The following CEP78 variants were observed in gnomAD, a reference collection of about 807,000 sequenced individuals.
CEP78 encodes centrosomal protein of 78 kDa.
CEP78 carries 76 observed loss-of-function variants against 81.2 expected under a neutral mutation model. That is an observed-to-expected ratio of 0.94 (90% CI 0.78 to 1.13). The LOEUF is 1.13. Ranked by LOEUF, CEP78 falls within the 50% of genes most tolerant of loss-of-function variation. CEP78 has a pLI of 0.00. For synonymous variants in CEP78, 293 were observed against 301.4 expected (o/e 0.97, Z 0.29); for missense variants, 918 against 846.8 (o/e 1.08, Z -1.04).
intron 4 of CEP78, among the ~76,000 whole-genome samples, chr9:78,242,857 T>C (rs1246185535): frequency 1.3e-5 from 2 of 152,218 alleles, no homozygotes; most frequent in Admixed American, 1.3e-4. Flanking sequence ...CCTTGCTTTG[T>C]ATATTCTAGG....
chr9:78,252,992 T>C (rs1032711627), intron 9 of CEP78, among the ~76,000 whole-genome samples: 1 of 152,184 alleles, frequency 6.6e-6, no homozygotes, highest in African/African-American at 2.4e-5. Context: ...AGATTAGAAA[T>C]CTGAACCATC....
Position 78,276,996 on chromosome 9 carries a change from G to C in CEP78, c.*6145G>C, listed in dbSNP as rs1484422589. ...TAGGGTAAATGTGCTGTTCACACAG[G>C]AATAATCACAGGTATAGAACCGAGA... On this transcript the variant is annotated 3_prime_UTR_variant, in exon 17 of 17. Transcript: ENST00000643273. 2 of 151,798 alleles carry C rather than the reference G, an allele frequency of 1.3e-5. No homozygotes were observed. The highest frequency in any genetic ancestry group is 2.9e-5 in the Non-Finnish European group (2 of 67,924). 9.4% of individuals were successfully genotyped at this position (151,798 alleles called of 1,614,324 possible). A position where few individuals can be genotyped will look rare whatever the true frequency, so the allele number is the denominator to read the frequency against.
chr9:78,276,773 AAC>A lies in CEP78; in HGVS notation c.*5926_*5927del. On this transcript the variant is annotated 3_prime_UTR_variant, in exon 17 of 17. Transcript: ENST00000643273. ...AATCTATGCTAGAGGGTATAAAAGA[AAC>A]ACAAAAATAGAGGTATGCCATGTAT... The A allele has an allele frequency of 6.6e-6, 1 of 152,344 alleles. No individual in the cohort carries two copies. The highest frequency in any genetic ancestry group is 2.1e-4 in the South Asian group (1 of 4,830). 9.4% of individuals were successfully genotyped at this position (152,344 alleles called of 1,614,324 possible).
At chr9:78,263,955 A>G (rs1466403185) in intron 12 of CEP78, 195 bp from the exon 13 acceptor site, 3 of 339,474 alleles carry the variant, frequency 8.8e-6, no homozygotes, top group Non-Finnish European at 1.1e-5. Context: ...TACTATTTAT[A>G]TTATTTATGT....
In CEP78 at chr9:78,278,255, T is replaced by G. The variant is rs185084670; in HGVS notation, c.*7404T>G. Reference sequence around the variant, plus strand: ...GTTATCCTTTACGCTCTGTCCATTTTTTTCTTCAAAAATGTGTCTGACCTA... The same window carrying G: ...GTTATCCTTTACGCTCTGTCCATTTGTTTCTTCAAAAATGTGTCTGACCTA... On this transcript the variant is annotated 3_prime_UTR_variant, in exon 17 of 17. Transcript: ENST00000643273. 14 of 152,308 alleles carry G rather than the reference T, an allele frequency of 9.2e-5. No homozygotes were observed. In the South Asian group the frequency reaches 1.4e-3, roughly 16 times the overall value. 9.4% of individuals were successfully genotyped at this position (152,308 alleles called of 1,614,324 possible).
intron 4 of CEP78, among the ~76,000 whole-genome samples, 179 bp downstream of exon 4, chr9:78,241,978 T>C (rs977572681): frequency 6.6e-6 from 1 of 152,240 alleles, no homozygotes; most frequent in Non-Finnish European, 1.5e-5. Context: ...AAAGGTAGTA[T>C]GCTTAATCTT....
intron 16 of CEP78, 41 bp downstream of exon 16, chr9:78,266,744 A>G: frequency 6.2e-7 from 1 of 1,608,500 alleles, no homozygotes; most frequent in Non-Finnish European, 8.5e-7. Context: ...AACACCCTGG[A>G]AAGGACCTGC....
At position 78,271,377 on chromosome 9, in the gene CEP78, G is replaced by A. The variant is rs1212209779; in HGVS notation, c.*526G>A. 1.3e-5 allele frequency: 2 copies of A among 152,104 alleles called. No individual in the cohort carries two copies. The highest frequency in any genetic ancestry group is 2.9e-5 in the Non-Finnish European group (2 of 68,032). The allele number at this position is 152,104 out of a possible 1,614,324, so 9.4% of individuals were successfully genotyped here. Reference sequence around the variant, plus strand: ...AAATTAAAATTAACCTGTTCAAGAAGATAGTTACTAGGAGAAACATGAAAT... The same window carrying A: ...AAATTAAAATTAACCTGTTCAAGAAAATAGTTACTAGGAGAAACATGAAAT... On this transcript the variant is annotated 3_prime_UTR_variant, in exon 17 of 17. Coordinates refer to ENST00000643273, the MANE Select transcript of CEP78 (RefSeq NM_001330691.3).
rs974889826 is a variant in CEP78, at chr9:78,260,741, T to C, written c.1381-2166T>C. Among the ~76,000 whole-genome samples the C allele has an allele frequency of 4.6e-5, 7 of 151,244 alleles. No homozygotes were observed. In the East Asian group the frequency reaches 1.4e-3, roughly 30 times the overall value. ...AAAAAAAAAAGTCAGAGTTATGAGTTCTCTGATTCAGTGTTAAATGGAAGA... is the reference window on the plus strand; with the variant it reads ...AAAAAAAAAAGTCAGAGTTATGAGTCCTCTGATTCAGTGTTAAATGGAAGA... On this transcript the variant is annotated intron_variant, in intron 11 of 16. Coordinates refer to ENST00000643273, the MANE Select transcript of CEP78 (RefSeq NM_001330691.3).
chr9:78,264,429 A>G, intron 13 of CEP78, 113 bp downstream of exon 13: 1 of 735,358 alleles, frequency 1.4e-6, no homozygotes, highest in Non-Finnish European at 2.2e-6. Flanking sequence ...GTGTAATTAT[A>G]AGTAATACAC....
chr9:78,268,797 G>C (rs11787652), intron 16 of CEP78, among the ~76,000 whole-genome samples: 15,523 of 150,950 alleles, frequency 0.1, 1,380 homozygotes, highest in African/African-American at 0.23. Flanking sequence ...GCTGGGACTA[G>C]AGGTGCCCGC....
At chr9:78,266,925 C>T in intron 16 of CEP78, 1 of 1,426,774 alleles carries the variant, frequency 7.0e-7, no homozygotes, top group Non-Finnish European at 9.1e-7. Context: ...ATCCAGTCCA[C>T]TAGAACATTC....
chr9:78,269,232 T>G (rs1025439920), intron 16 of CEP78, among the ~76,000 whole-genome samples: 1 of 152,096 alleles, frequency 6.6e-6, no homozygotes, highest in Non-Finnish European at 1.5e-5. Flanking sequence ...TTATGGGAAG[T>G]AAGGAAAAAA....
At position 78,278,700 on chromosome 9, in the gene CEP78, C is replaced by T. The variant is rs1259153498; in HGVS notation, c.*7849C>T. On this transcript the variant is annotated 3_prime_UTR_variant, in exon 17 of 17. Transcript: ENST00000643273. ...TACTCGTGGGGCAATGCAAGTCTTT[C>T]CCACATTTGTTTTATTTTATGGCTA... The T allele has an allele frequency of 6.6e-6, 1 of 152,166 alleles. No homozygotes were observed. Among genetic ancestry groups the T allele is most frequent in the Non-Finnish European group, 1.5e-5 (1 of 68,036 alleles). The allele number at this position is 152,166 out of a possible 1,614,324, so 9.4% of individuals were successfully genotyped here.
Position 78,271,145 on chromosome 9 carries a change from ATC to A in CEP78, c.*300_*301del, listed in dbSNP as rs1827680451. Reference sequence around the variant, plus strand: ...GAACTGAAGTTAAGCTGCCCACATGATCTCTCTAACTATGATGACCTGCCACT... The same window carrying A: ...GAACTGAAGTTAAGCTGCCCACATGATCTCTAACTATGATGACCTGCCACT... On this transcript the variant is annotated 3_prime_UTR_variant, in exon 17 of 17. Coordinates refer to ENST00000643273, the MANE Select transcript of CEP78 (RefSeq NM_001330691.3). 6.7e-6 allele frequency: 2 copies of A among 297,306 alleles called. 1 individual carries two copies. The highest frequency in any genetic ancestry group is 1.4e-4 in the South Asian group (2 of 14,400). 18.4% of individuals were successfully genotyped at this position (297,306 alleles called of 1,614,324 possible).
At chr9:78,261,575 C>T (rs918423465) in intron 11 of CEP78, among the ~76,000 whole-genome samples, 4 of 152,170 alleles carry the variant, frequency 2.6e-5, no homozygotes, top group African/African-American at 7.2e-5. Flanking sequence ...AGGGAACTTT[C>T]ATAAATATGT....
At position 78,253,240 on chromosome 9, in the gene CEP78, C is replaced by T. The variant is rs539146413; in HGVS notation, c.1214C>T (p.Pro405Leu). The T allele has an allele frequency of 1.6e-4, 213 of 1,347,264 alleles. No individual in the cohort carries two copies. Among genetic ancestry groups the T allele is most frequent in the Non-Finnish European group, 2.1e-4 (199 of 951,880 alleles). 83.5% of individuals were successfully genotyped at this position (1,347,264 alleles called of 1,614,324 possible). The change falls in exon 10 of 17, where the codon CCA becomes CTA. Residue 405 changes from proline to leucine, a missense_variant. Coordinates refer to ENST00000643273, the MANE Select transcript of CEP78 (RefSeq NM_001330691.3). ...AERAKRHRGF[P>L]LIKTRDICNQ... is the part of the protein sequence containing the mutation. ...TATCGATATCTTTTTAGGGGTTTCC[C>T]ATTAATCAAAACACGTGATATATGT...
chr9:78,263,953 ATAT>A lies in CEP78; in HGVS notation c.1459-192_1459-190del, dbSNP rs1393917904. 4.2e-5 allele frequency: 14 copies of A among 335,106 alleles called. No individual in the cohort carries two copies. In the East Asian group the frequency reaches 4.9e-4, roughly 12 times the overall value. The allele number at this position is 335,106 out of a possible 1,614,324, so 20.8% of individuals were successfully genotyped here. ...AAAGATAATTAATGAAATACTATTT[ATAT>A]TATTTATGTAGGAGGTTTTGTCAGT... On this transcript the variant is annotated intron_variant, in intron 12 of 16. Coordinates refer to ENST00000643273, the MANE Select transcript of CEP78 (RefSeq NM_001330691.3).
At chr9:78,262,021 CCTTTTAT>C (rs951311467) in intron 11 of CEP78, among the ~76,000 whole-genome samples, 16 of 152,082 alleles carry the variant, frequency 1.1e-4, no homozygotes, top group African/African-American at 3.9e-4. Flanking sequence ...TGTAATTTGC[CCTTTTAT>C]CTTAAAAAGA....
Sources: allele counts gnomAD v4.1 joint callset (sites outside exome capture counted in the v4.1 genomes callset), GRCh38; gene constraint gnomAD v4.1.1; transcripts MANE v1.5; gene names NCBI Gene and HGNC (gene_info 2026-07-23, HGNC 2026-07-21).